The following ZNF3 variants were observed in gnomAD, a reference collection of about 807,000 sequenced individuals.
ZNF3 encodes the protein C2-H2 type zinc finger protein.
ZNF3 carries 16 observed loss-of-function variants against 36.9 expected under a neutral mutation model. That is an observed-to-expected ratio of 0.43 (90% confidence interval 0.29 to 0.66). ZNF3 has a LOEUF of 0.66. Among genes scored for constraint, ZNF3 ranks in the 30% least tolerant of loss-of-function variants. The probability of loss-of-function intolerance (pLI) is 0.13; values close to 1 mark genes in which losing one functional copy is unlikely to be tolerated. For missense variants in ZNF3, 462 were observed against 543.1 expected, an observed-to-expected ratio of 0.85 and a Z score of 1.48; for synonymous variants, 201 against 201.9, an observed-to-expected ratio of 1.00 and a Z score of 0.04.
chr7:100,081,690 A>G lies in ZNF3; in HGVS notation c.-253T>C, dbSNP rs1395488058. ...CCGGACACGGACCAGGCCCTGTTGG[A>G]CCCTGTCACAGACCCACACACCGGG... On this transcript the variant is annotated 5_prime_UTR_variant, in exon 1 of 6. Coordinates refer to ENST00000299667, the MANE Select transcript of ZNF3 (RefSeq NM_032924.5). The surrounding 1 kb of genome is among the most constrained non-coding windows in gnomAD (Gnocchi z 4.3). 11 of 152,308 alleles carry G rather than the reference A, an allele frequency of 7.2e-5. No homozygotes were observed. Among genetic ancestry groups the G allele is most frequent in the African/African-American group, 1.9e-4 (8 of 41,420 alleles). 9.4% of individuals were successfully genotyped at this position (152,308 alleles called of 1,614,324 possible).
intron 1 of ZNF3, among the ~76,000 whole-genome samples, chr7:100,080,092 C>T (rs772367643): frequency 6.6e-6 from 1 of 152,138 alleles, no homozygotes; most frequent in African/African-American, 2.4e-5. Flanking sequence ...AAGACCACCA[C>T]CACAACTAGT....
At chr7:100,064,109 A>G (rs746719758) in exon 6 of ZNF3, 1 of 1,614,180 alleles carries the variant, frequency 6.2e-7, no homozygotes, top group Non-Finnish European at 8.5e-7. Flanking sequence ...GAGAAACCTT[A>G]CGTGTGCACC....
At chr7:100,067,725 GA>G (rs960608254), downstream of ZNF3, among the ~76,000 whole-genome samples, 22 of 152,068 alleles carry the variant, frequency 1.4e-4, no homozygotes, top group African/African-American at 4.8e-4. Flanking sequence ...AAACCACTCG[GA>G]AAAGAGCCAG....
Position 100,071,675 on chromosome 7 carries a change from G to C in ZNF3, c.809C>G (p.Ala270Gly). 1 of 1,611,434 alleles carries C rather than the reference G, an allele frequency of 6.2e-7. No individual in the cohort carries two copies. Among genetic ancestry groups the C allele is most frequent in the African/African-American group, 1.4e-5 (1 of 73,962 alleles). The change falls in exon 6 of 6, where the codon GCC (alanine) becomes GGC (glycine). Residue 270 changes from alanine (A) to glycine (G), a missense_variant. Physicochemically the swap from Ala to Gly is moderately conservative, Grantham distance 60. Transcript: ENST00000299667. ...GTGGATCCTCCGATGCAGAATGAGG[G>C]CAGAGCTACAGCTGAAGGTTTTCCC... ...DCGKTFSCSSALILHRRIHTG... is the reference protein window; with the variant it reads ...DCGKTFSCSSGLILHRRIHTG...
exon 6 of ZNF3, chr7:100,064,076 A>C: frequency 1.2e-6 from 2 of 1,614,146 alleles, no homozygotes; most frequent in Non-Finnish European, 1.7e-6. Context: ...AATCTCACCA[A>C]ACACAGGAGA....
At chr7:100,076,428 G>T (rs1794122661) in intron 3 of ZNF3, among the ~76,000 whole-genome samples, 1 of 151,992 alleles carries the variant, frequency 6.6e-6, no homozygotes, top group Non-Finnish European at 1.5e-5. Flanking sequence ...GAGGAGCTGG[G>T]ACTACAGGTG....
At chr7:100,074,434 C>A (rs1379937936) in intron 5 of ZNF3, among the ~76,000 whole-genome samples, 1 of 152,066 alleles carries the variant, frequency 6.6e-6, no homozygotes, top group Non-Finnish European at 1.5e-5. Flanking sequence ...CCATGCCTGG[C>A]TAATTTTTTG....
At chr7:100,078,503 A>C (rs1200721333) in intron 2 of ZNF3, among the ~76,000 whole-genome samples, 1 of 151,500 alleles carries the variant, frequency 6.6e-6, no homozygotes, top group South Asian at 2.1e-4. Flanking sequence ...CTCAAAAAAA[A>C]AAAAAAAGAA....
At chr7:100,076,909 G>A (rs568350205) in intron 3 of ZNF3, 4 of 181,318 alleles carry the variant, frequency 2.2e-5, no homozygotes, top group East Asian at 1.4e-4. Context: ...GCAAAACCCC[G>A]TCTCTACAAA....
downstream of ZNF3, among the ~76,000 whole-genome samples, chr7:100,066,636 C>A (rs569583962): frequency 2.6e-5 from 4 of 151,700 alleles, no homozygotes; most frequent in Admixed American, 6.6e-5. Context: ...ACTCCGGAGG[C>A]TGAGGCAGGA....
At chr7:100,064,594 A>C in exon 6 of ZNF3, 1 of 1,614,094 alleles carries the variant, frequency 6.2e-7, no homozygotes, top group Non-Finnish European at 8.5e-7. Context: ...GCGAGTCCAC[A>C]CTGGAGAGGG....
downstream of ZNF3, among the ~76,000 whole-genome samples, chr7:100,065,477 G>C (rs190838092): frequency 9.2e-4 from 139 of 151,688 alleles, no homozygotes; most frequent in Middle Eastern, 3.4e-3. Context: ...TGCATACCAA[G>C]AGCCAGGGGC....
Position 100,071,173 on chromosome 7 carries a change from C to G in ZNF3, c.1311G>C (p.Thr437=), listed in dbSNP as rs774954694. The part of the protein sequence containing the change: ...IGMSKSSLRV[T]TELNIREST ...TGGACTCTCTGATATTTAACTCGGT[C>G]GTAACTCTGAGGGAGCTTTTGCTCA... Residue 437 remains threonine, a synonymous_variant, in exon 6 of 6, where the codon ACG becomes ACC. Transcript: ENST00000299667. 2 of 1,604,176 alleles carry G rather than the reference C, an allele frequency of 1.2e-6. No homozygotes were observed. The highest frequency in any genetic ancestry group is 2.7e-5 in the African/African-American group (2 of 74,532).
rs1794962082 is a variant in ZNF3, at chr7:100,081,302, CAA to C, written c.-198+331_-198+332del. ...AAATAAAAACGTCTGGGAGAAATAC[CAA>C]GTTAGGGTCGCTGTCATTAGCTGCT... On this transcript the variant is annotated intron_variant, in intron 1 of 5. Coordinates refer to ENST00000299667, the MANE Select transcript of ZNF3 (RefSeq NM_032924.5). This position sits in a 1 kb window ranked among gnomAD's most constrained non-coding sequence, Gnocchi z 4.3. 6.6e-6 allele frequency among the ~76,000 whole-genome samples: 1 copy of C among 152,212 alleles called. No homozygotes were observed. Among genetic ancestry groups the C allele is most frequent in the Non-Finnish European group, 1.5e-5 (1 of 68,050 alleles).
intron 5 of ZNF3, among the ~76,000 whole-genome samples, chr7:100,073,475 A>G (rs910476084): frequency 6.6e-6 from 1 of 152,008 alleles, no homozygotes; most frequent in Non-Finnish European, 1.5e-5. Flanking sequence ...CAGCCTCCCA[A>G]GTAGCTGGGA....
Position 100,075,237 on chromosome 7 carries a change from C to G in ZNF3, c.169G>C (p.Ala57Pro). ...CACTCCTTCCGGATGAAGTACACAGCTACATCCTCAAAGGTTACCAGCTCC... is the reference window on the plus strand; with the variant it reads ...CACTCCTTCCGGATGAAGTACACAGGTACATCCTCAAAGGTTACCAGCTCC... Reference protein sequence around the residue: ...SQELVTFEDVAVYFIRKEWKR... With the variant: ...SQELVTFEDVPVYFIRKEWKR... The change falls in exon 5 of 6, where the codon GCT becomes CCT. Residue 57 changes from alanine to proline, a missense_variant. By Grantham distance (27) the Ala-to-Pro change is conservative (BLOSUM62 -1). Coordinates refer to ENST00000299667, the MANE Select transcript of ZNF3 (RefSeq NM_032924.5). 1 of 1,614,166 alleles carries G rather than the reference C, an allele frequency of 6.2e-7. No homozygotes were observed. The highest frequency in any genetic ancestry group is 8.5e-7 in the Non-Finnish European group (1 of 1,180,040).
chr7:100,075,573 A>G lies in ZNF3; in HGVS notation c.113T>C (p.Leu38Ser). Residue 38 changes from leucine to serine, a missense_variant, in exon 4 of 6, where the codon TTG becomes TCG. By Grantham distance (145) the Leu-to-Ser change is moderately radical. Coordinates refer to ENST00000299667, the MANE Select transcript of ZNF3 (RefSeq NM_032924.5). ...SDKDSLGDEM[L>S]AAALLKAKSQ... is the part of the protein sequence containing the mutation. The stretch of plus-strand genomic sequence containing the variant: ...CTTGGCCTTTAGGAGCGCAGCCGCC[A>G]ACATCTCATCCCCCAGGCTGTCCTT... The G allele has an allele frequency of 6.2e-7, 1 of 1,614,164 alleles. No individual in the cohort carries two copies. The highest frequency in any genetic ancestry group is 8.5e-7 in the Non-Finnish European group (1 of 1,180,014).
downstream of ZNF3, among the ~76,000 whole-genome samples, chr7:100,065,873 T>C (rs187279945): frequency 6.7e-6 from 1 of 148,330 alleles, no homozygotes; most frequent in Non-Finnish European, 1.5e-5. Flanking sequence ...ATTTATCAGC[T>C]GACCTGTGTC....
At chr7:100,076,008 AT>A (rs112026004) in intron 3 of ZNF3, among the ~76,000 whole-genome samples, 212 of 139,566 alleles carry the variant, frequency 1.5e-3, no homozygotes, top group Middle Eastern at 3.8e-3. Flanking sequence ...ATGAAGTTCT[AT>A]TTTTTTTTTT....
Sources: allele counts gnomAD v4.1 joint callset (sites outside exome capture counted in the v4.1 genomes callset), GRCh38; gene constraint gnomAD v4.1.1; non-coding constraint Gnocchi (gnomAD v3.1); transcripts MANE v1.5; gene names NCBI Gene and HGNC (gene_info 2026-07-23, HGNC 2026-07-21).